JAKMIP2: variants seen among roughly 807,000 people sequenced by gnomAD.
JAKMIP2 encodes janus kinase and microtubule-interacting protein 2.
In JAKMIP2, 25 loss-of-function variants were observed where a neutral mutation model predicts 115.0. The observed-to-expected ratio is 0.22, with a 90% CI of 0.16 to 0.30. The LOEUF is 0.30. Ranked by LOEUF, JAKMIP2 falls within the 10% of genes least tolerant of loss-of-function variation. The pLI, the probability that JAKMIP2 is intolerant of heterozygous loss-of-function variation, is 1.00. For synonymous variants in JAKMIP2, 334 were observed against 343.6 expected, an observed-to-expected ratio of 0.97 and a Z score of 0.31; for missense variants, 642 against 957.6, an observed-to-expected ratio of 0.67 and a Z score of 4.35.
chr5:147,631,342 A>G, intron 14 of JAKMIP2, 71 bp downstream of exon 14: 2 of 888,896 alleles, frequency 2.2e-6, no homozygotes, highest in Non-Finnish European at 1.8e-6. Flanking sequence ...AATAGTCGTA[A>G]GTAACCTCCC....
intron 1 of JAKMIP2, among the ~76,000 whole-genome samples, chr5:147,699,208 A>G (rs1241417846): frequency 6.6e-6 from 1 of 152,244 alleles, no homozygotes; most frequent in African/African-American, 2.4e-5. Context: ...CGGCAGTTAA[A>G]GTTCTGATTT....
chr5:147,619,287 C>T (rs553614320), intron 18 of JAKMIP2, among the ~76,000 whole-genome samples: 2 of 152,056 alleles, frequency 1.3e-5, no homozygotes, highest in Admixed American at 1.3e-4. Context: ...CATAAACACA[C>T]AACTTAATTT....
chr5:147,628,153 C>T (rs925664977), intron 16 of JAKMIP2, among the ~76,000 whole-genome samples: 8 of 152,120 alleles, frequency 5.3e-5, no homozygotes, highest in African/African-American at 1.9e-4. Flanking sequence ...TCCAAAGTAG[C>T]TAGGACTATA....
intron 3 of JAKMIP2, among the ~76,000 whole-genome samples, chr5:147,651,541 G>A (rs751496099): frequency 6.6e-6 from 1 of 151,616 alleles, no homozygotes; most frequent in Non-Finnish European, 1.5e-5. Flanking sequence ...ACAACATTAC[G>A]CTGTTTTGCT....
intron 1 of JAKMIP2, among the ~76,000 whole-genome samples, chr5:147,726,444 C>G (rs1753520466): frequency 6.6e-6 from 1 of 152,214 alleles, no homozygotes; most frequent in Middle Eastern, 3.2e-3. Flanking sequence ...GAATTTCTTA[C>G]CAGTCAGGCT....
At chr5:147,627,678 T>TAAAAAAAAAAAA (rs768481105) in intron 16 of JAKMIP2, among the ~76,000 whole-genome samples, 1 of 70,322 alleles carries the variant, frequency 1.4e-5, no homozygotes, top group African/African-American at 5.7e-5. Context: ...AGCCTTTCTG[T>TAAAAAAAAAAAA]AAAAAAAAAA....
chr5:147,782,542 C>G lies in JAKMIP2; in HGVS notation c.-235G>C, dbSNP rs1755801183. ...TTGTGACCGAGTCGGATGCAGCCTC[C>G]GAACCCAACATCAGCAGTGGCTGCC... On this transcript the variant is annotated 5_prime_UTR_variant, in exon 1 of 22. Coordinates refer to ENST00000616793, the MANE Select transcript of JAKMIP2 (RefSeq NM_001270941.2). 6 of 1,435,552 alleles carry G rather than the reference C, an allele frequency of 4.2e-6. No individual in the cohort carries two copies. In the East Asian group the frequency reaches 1.2e-4, roughly 30 times the overall value. The allele number at this position is 1,435,552 out of a possible 1,614,324, so 88.9% of individuals were successfully genotyped here.
At chr5:147,643,087 C>A (rs9325047) in intron 7 of JAKMIP2, among the ~76,000 whole-genome samples, 32,502 of 151,736 alleles carry the variant, frequency 0.21, 4,240 homozygotes, top group East Asian at 0.46. Context: ...CCTCACCTTG[C>A]GATCGTGTGT....
At chr5:147,697,375 A>T (rs568393395) in intron 1 of JAKMIP2, among the ~76,000 whole-genome samples, 4 of 152,218 alleles carry the variant, frequency 2.6e-5, no homozygotes, top group Non-Finnish European at 4.4e-5. Flanking sequence ...GGTCCCTCCC[A>T]CAACATGTGG....
rs115393666 is a variant in JAKMIP2, at chr5:147,613,676, C to A, written c.2347-1305G>T. Among the ~76,000 whole-genome samples the A allele has an allele frequency of 5.9e-3, 903 of 152,102 alleles. 15 individuals carry two copies. The highest frequency in any genetic ancestry group is 0.021 in the African/African-American group (869 of 41,482). On this transcript the variant is annotated intron_variant, in intron 19 of 21. Transcript: ENST00000616793. ...GCATCTAGCATCTACTGAGTAGAAG[C>A]CAGGAATGCTACTAAACATTCGATA...
At chr5:147,749,291 T>C (rs1396959466) in intron 1 of JAKMIP2, among the ~76,000 whole-genome samples, 1 of 152,302 alleles carries the variant, frequency 6.6e-6, no homozygotes, top group African/African-American at 2.4e-5. Context: ...CCAGGCATAG[T>C]ACTCAACACT....
At chr5:147,678,696 G>A (rs939573814) in intron 1 of JAKMIP2, among the ~76,000 whole-genome samples, 1 of 152,072 alleles carries the variant, frequency 6.6e-6, no homozygotes, top group Non-Finnish European at 1.5e-5. Flanking sequence ...GCAACTCAGA[G>A]GAGAAATGCT....
rs150398235 is a variant in JAKMIP2 at position 147,731,709 on chromosome 5, C to T, written c.-149+50747G>A. On this transcript the variant is annotated intron_variant, in intron 1 of 21. Coordinates refer to ENST00000616793, the MANE Select transcript of JAKMIP2 (RefSeq NM_001270941.2). ...TAGAGTCTCTGCAAGCACAGCAATG[C>T]CTCCTTCTTCCTTTTATCCAGATTA... 2.5e-3 allele frequency among the ~76,000 whole-genome samples: 378 copies of T among 152,264 alleles called. 1 individual carries two copies. The highest frequency in any genetic ancestry group is 8.7e-3 in the African/African-American group (361 of 41,562).
Position 147,661,054 on chromosome 5 carries a change from A to G in JAKMIP2, c.521T>C (p.Ile174Thr), listed in dbSNP as rs1418336363. 1 of 1,613,834 alleles carries G rather than the reference A, an allele frequency of 6.2e-7. No individual in the cohort carries two copies. Among genetic ancestry groups the G allele is most frequent in the Non-Finnish European group, 8.5e-7 (1 of 1,179,988 alleles). Residue 174 changes from isoleucine (I) to threonine (T), a missense_variant, in exon 3 of 22, where the codon ATC becomes ACC. Transcript: ENST00000616793. ...CCCAGCCTTGATTTTATCTGCTTGG[A>G]TCATATTGCTCAGAGCCTCGTCCAC... ...KQVDEALSNM[I>T]QADKIKAGDL...
intron 3 of JAKMIP2, among the ~76,000 whole-genome samples, chr5:147,651,674 C>G (rs4147464): frequency 0.25 from 38,405 of 151,800 alleles, 6,138 homozygotes; most frequent in East Asian, 0.46. Flanking sequence ...ACGTATTTTC[C>G]ACATATAAAT....
In JAKMIP2 at chr5:147,639,643, G is replaced by T. The variant is rs765994707; in HGVS notation, c.1519C>A (p.Arg507=). 3.1e-6 allele frequency: 5 copies of T among 1,612,922 alleles called. No individual in the cohort carries two copies. The South Asian group carries it at 4.4e-5, about 14-fold the overall frequency. Residue 507 remains arginine (R), a synonymous_variant, in exon 10 of 22, where the codon CGA becomes AGA. Transcript: ENST00000616793. ...EQTGGIIDAE[R]EAKAQEQLQA... ...AGATACACACTAACCTTGGCTTCTC[G>T]TTCAGCGTCGATGATGCCTCCCGTC...
intron 1 of JAKMIP2, among the ~76,000 whole-genome samples, chr5:147,742,217 A>G (rs2126998101): frequency 6.9e-6 from 1 of 144,774 alleles, no homozygotes; most frequent in East Asian, 2.2e-4. Context: ...GCTGGGTTGC[A>G]ATATGCTCCT....
intron 3 of JAKMIP2, among the ~76,000 whole-genome samples, chr5:147,658,928 T>C (rs564682483): frequency 9.9e-4 from 150 of 152,086 alleles, no homozygotes; most frequent in Non-Finnish European, 1.8e-3. Context: ...GTGCTGGCAG[T>C]GAGAATTTCA....
Position 147,644,120 on chromosome 5 carries a change from C to G in JAKMIP2, c.1162G>C (p.Glu388Gln), listed in dbSNP as rs1758010775. Residue 388 changes from glutamate to glutamine, a missense_variant, in exon 7 of 22, where the codon GAA (glutamate) becomes CAA (glutamine). By Grantham distance (29) the Glu-to-Gln change is conservative (BLOSUM62 2). Transcript: ENST00000616793. ...NDLDQANEEQETEFLKLQVIE... is the reference protein window; with the variant it reads ...NDLDQANEEQQTEFLKLQVIE... The stretch of plus-strand genomic sequence containing the variant: ...ACCTGAAGTTTTAGAAACTCTGTTT[C>G]TTGTTCTTCATTAGCTTGGTCGAGG... 6.2e-7 allele frequency: 1 copy of G among 1,608,680 alleles called. No individual in the cohort carries two copies. Among genetic ancestry groups the G allele is most frequent in the East Asian group, 2.2e-5 (1 of 44,698 alleles).
Sources: allele counts gnomAD v4.1 joint callset (sites outside exome capture counted in the v4.1 genomes callset), GRCh38; gene constraint gnomAD v4.1.1; transcripts MANE v1.5; gene names NCBI Gene and HGNC (gene_info 2026-07-23, HGNC 2026-07-21).